GALNT9: variants seen among roughly 807,000 people sequenced by gnomAD.
GALNT9 encodes the protein polypeptide N-acetylgalactosaminyltransferase 9.
In GALNT9, 47 loss-of-function variants were observed where a neutral mutation model predicts 63.1. The observed-to-expected ratio is 0.75, with a 90% CI of 0.59 to 0.95. The LOEUF (loss-of-function observed/expected upper bound fraction) is 0.95, where lower values mean the gene tolerates loss of function less well. GALNT9 is among the 40% of genes least tolerant of loss of function. The pLI, the probability that GALNT9 is intolerant of heterozygous loss-of-function variation, is 0.00. For missense variants in GALNT9, 829 were observed against 874.8 expected (o/e 0.95, Z 0.66); for synonymous variants, 396 against 365.7 (o/e 1.08, Z -0.94).
chr12:132,207,750 G>C (rs1390490956), intron 6 of GALNT9, among the ~76,000 whole-genome samples: 1 of 152,228 alleles, frequency 6.6e-6, no homozygotes, highest in Non-Finnish European at 1.5e-5. Flanking sequence ...TTCGGGGTGT[G>C]TGAGGTGCCC....
Position 132,245,496 on chromosome 12 carries a change from T to C in GALNT9, c.1077+2414A>G, listed in dbSNP as rs191808166. On this transcript the variant is annotated intron_variant, in intron 6 of 10. Transcript: ENST00000328957. This position sits in a 1 kb window ranked among gnomAD's most constrained non-coding sequence, Gnocchi z 6.3. ...GACGGGAGGGAAGCTCTCCAACGGC[T>C]GCAGCCAGGGCCCTCTGTGGTCCGG... Among the ~76,000 whole-genome samples the C allele has an allele frequency of 8.7e-4, 133 of 152,212 alleles. No individual in the cohort carries two copies. Among genetic ancestry groups the C allele is most frequent in the Admixed American group, 5.4e-3 (82 of 15,298 alleles).
intron 6 of GALNT9, among the ~76,000 whole-genome samples, chr12:132,204,802 G>C (rs3935242): frequency 2.7e-3 from 410 of 152,210 alleles, no homozygotes; most frequent in Non-Finnish European, 4.7e-3. Flanking sequence ...CCACCCACGG[G>C]CTGACATCAC....
chr12:132,252,269 G>A lies in GALNT9; in HGVS notation c.960-4242C>T, dbSNP rs1878945385. On this transcript the variant is annotated intron_variant, in intron 5 of 10. Coordinates refer to ENST00000328957, the MANE Select transcript of GALNT9 (RefSeq NM_001122636.2). The surrounding 1 kb of genome is among the most constrained non-coding windows in gnomAD (Gnocchi z 5.2). ...CCACAGGCGGCTGTGAACGCAGGAA[G>A]GGCAGAGAGTCCCAGGCACATGGGC... Among the ~76,000 whole-genome samples, 1 of 152,212 alleles carries A rather than the reference G, an allele frequency of 6.6e-6. No individual in the cohort carries two copies. The highest frequency in any genetic ancestry group is 1.5e-5 in the Non-Finnish European group (1 of 68,030).
intron 6 of GALNT9, 23 bp from the exon 7 acceptor site, chr12:132,203,713 G>A: frequency 6.2e-7 from 1 of 1,604,654 alleles, no homozygotes; most frequent in Non-Finnish European, 8.5e-7. Context: ...GGCGCTGGGT[G>A]CCGGCGTCCT....
intron 1 of GALNT9, among the ~76,000 whole-genome samples, chr12:132,289,256 T>C (rs904936927): frequency 3.3e-5 from 5 of 152,206 alleles, no homozygotes; most frequent in Non-Finnish European, 4.4e-5. Flanking sequence ...CTCCCAACGC[T>C]TCATTCTCCG....
chr12:132,199,614 C>T (rs997541304), intron 8 of GALNT9, among the ~76,000 whole-genome samples: 5 of 152,162 alleles, frequency 3.3e-5, no homozygotes, highest in Admixed American at 2.6e-4. Context: ...TGGGTAGAGA[C>T]CGCTCGCCAG....
intron 2 of GALNT9, among the ~76,000 whole-genome samples, chr12:132,269,735 G>T (rs765011366): frequency 1.3e-5 from 2 of 152,264 alleles, no homozygotes; most frequent in Non-Finnish European, 2.9e-5. Context: ...GGTCTCAGAC[G>T]CGTGGGGCCG....
At chr12:132,209,984 T>C (rs1452742677) in intron 6 of GALNT9, among the ~76,000 whole-genome samples, 2 of 152,236 alleles carry the variant, frequency 1.3e-5, no homozygotes, top group South Asian at 4.1e-4. Context: ...CCCCGAATTC[T>C]GCCTTGTACA....
chr12:132,324,574 G>A lies in GALNT9; in HGVS notation c.238+4392C>T, dbSNP rs111335622. 3.2e-3 allele frequency among the ~76,000 whole-genome samples: 480 copies of A among 152,336 alleles called. 1 individual carries two copies. The highest frequency in any genetic ancestry group is 0.011 in the African/African-American group (452 of 41,582). On this transcript the variant is annotated intron_variant, in intron 1 of 10. Transcript: ENST00000328957. ...GTGGCAGCGGGGGGTCTTTGGACTG[G>A]CTCCCCAAGTTCACGCTCTCAGCTG... is the stretch of plus-strand genomic sequence containing the variant.
intron 6 of GALNT9, among the ~76,000 whole-genome samples, chr12:132,214,433 A>C (rs1877099755): frequency 6.6e-6 from 1 of 152,106 alleles, no homozygotes; most frequent in African/African-American, 2.4e-5. Flanking sequence ...AGAGCTAGTG[A>C]GCACCCCCCC....
intron 6 of GALNT9, among the ~76,000 whole-genome samples, chr12:132,239,039 A>T (rs1555236590): frequency 1.3e-5 from 2 of 152,130 alleles, no homozygotes; most frequent in Non-Finnish European, 1.5e-5. Context: ...GTGCTCTAGA[A>T]CCTGGCCTAG....
Position 132,317,685 on chromosome 12 carries a change from C to T in GALNT9, c.238+11281G>A, listed in dbSNP as rs562600265. Among the ~76,000 whole-genome samples, 244 of 152,352 alleles carry T rather than the reference C, an allele frequency of 1.6e-3. 1 individual carries two copies. The highest frequency in any genetic ancestry group is 5.4e-3 in the African/African-American group (226 of 41,584). On this transcript the variant is annotated intron_variant, in intron 1 of 10. Transcript: ENST00000328957. ...CTCAAAAACACGGTGGCCAGACCCCCCTCGCTCAGTAGAGGCTGCGCCCAG... is the reference window on the plus strand; with the variant it reads ...CTCAAAAACACGGTGGCCAGACCCCTCTCGCTCAGTAGAGGCTGCGCCCAG...
At chr12:132,281,971 A>G (rs1188974688) in intron 2 of GALNT9, among the ~76,000 whole-genome samples, 1 of 138,876 alleles carries the variant, frequency 7.2e-6, no homozygotes, top group African/African-American at 2.8e-5. Flanking sequence ...GGGGTCCCAC[A>G]TCCCACAGAG....
chr12:132,244,059 G>C (rs1033771783), intron 6 of GALNT9, among the ~76,000 whole-genome samples: 2 of 150,772 alleles, frequency 1.3e-5, no homozygotes, highest in Non-Finnish European at 3.0e-5. Context: ...GCAACGTGCA[G>C]TTCTCGACAC....
rs527599147 is a variant in GALNT9, at chr12:132,329,329, G to A, written c.-126C>T. 5.1e-6 allele frequency: 7 copies of A among 1,373,686 alleles called. No homozygotes were observed. The highest frequency in any genetic ancestry group is 1.5e-5 in the African/African-American group (1 of 66,268). 85.1% of individuals were successfully genotyped at this position (1,373,686 alleles called of 1,614,324 possible). A position where few individuals can be genotyped will look rare whatever the true frequency, so the allele number is the denominator to read the frequency against. On this transcript the variant is annotated 5_prime_UTR_variant, in exon 1 of 11. Transcript: ENST00000328957. The stretch of plus-strand genomic sequence containing the variant: ...GCTGCGGGGGCTGCGGGGCTCGGCC[G>A]GAGCTGTCCCTTCAGCACCAGCTCA...
At chr12:132,291,444 G>GTCCACATCACCCACA (rs1566015206) in intron 1 of GALNT9, among the ~76,000 whole-genome samples, 4 of 83,710 alleles carry the variant, frequency 4.8e-5, no homozygotes, top group African/African-American at 1.9e-4. Context: ...CAGCGCCCAC[G>GTCCACATCACCCACA]TCCACATCAC....
At chr12:132,293,485 C>T (rs782080857) in intron 1 of GALNT9, among the ~76,000 whole-genome samples, 1 of 152,224 alleles carries the variant, frequency 6.6e-6, no homozygotes, top group Non-Finnish European at 1.5e-5. Context: ...AGCCAAGCTT[C>T]TCCACACACG....
intron 6 of GALNT9, chr12:132,240,628 C>T (rs2136898943): frequency 4.8e-4 from 217 of 453,022 alleles, no homozygotes; most frequent in African/African-American, 3.9e-3. Flanking sequence ...CGGCTGTGCT[C>T]TATGGGCCTC....
Position 132,261,161 on chromosome 12 carries a change from GGC to G in GALNT9, c.587-41_587-40del, listed in dbSNP as rs1879369162. ...AGACTTTAGCACGCTGGCAGGTGCT[GGC>G]AGGCGCGGGGCCACCAAGACCCAAG... On this transcript the variant is annotated intron_variant, in intron 3 of 10. Coordinates refer to ENST00000328957, the MANE Select transcript of GALNT9 (RefSeq NM_001122636.2). 3.2e-5 allele frequency: 49 copies of G among 1,544,750 alleles called. No homozygotes were observed. The South Asian group carries it at 5.7e-4, about 18-fold the overall frequency.
Sources: allele counts gnomAD v4.1 joint callset (sites outside exome capture counted in the v4.1 genomes callset), GRCh38; gene constraint gnomAD v4.1.1; non-coding constraint Gnocchi (gnomAD v3.1); transcripts MANE v1.5; gene names NCBI Gene and HGNC (gene_info 2026-07-23, HGNC 2026-07-21).